SLC14A2: variants seen among roughly 807,000 people sequenced by gnomAD.
SLC14A2 encodes urea transporter 2.
SLC14A2 carries 91 observed loss-of-function variants against 104.6 expected under a neutral mutation model. The observed-to-expected ratio is 0.87, with a 90% CI of 0.73 to 1.04. The LOEUF (loss-of-function observed/expected upper bound fraction) is 1.04. Among genes scored for constraint, SLC14A2 ranks in the 50% least tolerant of loss-of-function variants. The pLI, the probability that SLC14A2 is intolerant of heterozygous loss-of-function variation, is 0.00. For synonymous variants in SLC14A2, 476 were observed against 466.4 expected (o/e 1.02, Z -0.27); for missense variants, 1,189 against 1,156.0 (o/e 1.03, Z -0.41).
intron 5 of SLC14A2, chr18:45,634,784 G>A (rs762004953): frequency 2.2e-6 from 1 of 456,828 alleles, no homozygotes. Flanking sequence ...GATGTGATGG[G>A]ATATGGTTTA....
the SLC14A2 span, chr18:45,179,890 A>AT: frequency 6.6e-6 from 1 of 152,182 alleles, no homozygotes; most frequent in Admixed American, 6.5e-5. Context: ...TCATACCTGT[A>AT]ATTCCTGCAC....
In SLC14A2 at chr18:45,417,102, GT is replaced by G. The variant is rs530886286; in HGVS notation, c.-124-66130del. 5.3e-4 allele frequency among the ~76,000 whole-genome samples: 80 copies of G among 152,306 alleles called. 1 individual carries two copies. The highest frequency in any genetic ancestry group is 8.8e-4 in the Non-Finnish European group (60 of 68,020). On this transcript the variant is annotated intron_variant, in intron 1 of 20. Coordinates refer to the SLC14A2 transcript ENST00000586448. ...GCAATTATGTTAGAGCTAGGGGTTG[GT>G]GGGTTTAAAAAATATCAGGATTTTG...
intron 1 of SLC14A2, among the ~76,000 whole-genome samples, chr18:45,265,227 G>C (rs2084579852): frequency 6.6e-6 from 1 of 152,196 alleles, no homozygotes; most frequent in Non-Finnish European, 1.5e-5. Flanking sequence ...TCAAGCTTAT[G>C]AAGAGCTCTT....
chr18:45,645,632 A>ATATAT (rs1568312070), intron 10 of SLC14A2, among the ~76,000 whole-genome samples: 2 of 7,088 alleles, frequency 2.8e-4, no homozygotes, highest in Non-Finnish European at 4.9e-4. Context: ...TACATATACA[A>ATATAT]AGATATATAT....
At chr18:45,495,964 A>C (rs1283066570) in intron 2 of SLC14A2, among the ~76,000 whole-genome samples, 1 of 152,224 alleles carries the variant, frequency 6.6e-6, no homozygotes, top group African/African-American at 2.4e-5. Flanking sequence ...CACTTTAGCA[A>C]TTCATGTGAG....
At chr18:45,378,088 G>T (rs956387498) in intron 1 of SLC14A2, among the ~76,000 whole-genome samples, 6 of 152,202 alleles carry the variant, frequency 3.9e-5, no homozygotes, top group African/African-American at 1.4e-4. Flanking sequence ...CTATCTCCTT[G>T]TTTCTCCCCT....
At chr18:45,629,044 A>T (rs2045304666) in intron 4 of SLC14A2, among the ~76,000 whole-genome samples, 1 of 152,236 alleles carries the variant, frequency 6.6e-6, no homozygotes, top group Admixed American at 6.5e-5. Context: ...GCTTGGAGGC[A>T]TGACCTGCAT....
chr18:45,205,199 A>G, the SLC14A2 span, among the ~76,000 whole-genome samples: 1 of 152,190 alleles, frequency 6.6e-6, no homozygotes, highest in Non-Finnish European at 1.5e-5. Flanking sequence ...GCTTTCAGGC[A>G]GCATACAGGG....
At chr18:45,594,476 T>C (rs945482171) in intron 2 of SLC14A2, among the ~76,000 whole-genome samples, 22 of 152,172 alleles carry the variant, frequency 1.4e-4, no homozygotes, top group African/African-American at 5.1e-4. Context: ...TCTTTGATCT[T>C]CATTTGACTG....
In SLC14A2 at chr18:45,318,566, T is replaced by C. The variant is rs756759872; in HGVS notation, c.-125+105375T>C. On this transcript the variant is annotated intron_variant, in intron 1 of 20. Transcript: ENST00000586448. The stretch of plus-strand genomic sequence containing the variant: ...ACTCTGGGAGGCTGAGGTGGGCGGA[T>C]CACCTGAGGTCAGGAGTTCGAGACC... Among the ~76,000 whole-genome samples, 32 of 152,200 alleles carry C rather than the reference T, an allele frequency of 2.1e-4. 1 individual carries two copies. Among genetic ancestry groups the C allele is most frequent in the South Asian group, 6.2e-4 (3 of 4,808 alleles).
At chr18:45,541,448 T>G (rs1027697141) in intron 2 of SLC14A2, among the ~76,000 whole-genome samples, 3 of 152,250 alleles carry the variant, frequency 2.0e-5, no homozygotes, top group African/African-American at 7.2e-5. Context: ...AAGAACAGGC[T>G]TACAGACGTC....
intron 1 of SLC14A2, among the ~76,000 whole-genome samples, chr18:45,377,267 C>A (rs547034927): frequency 1.3e-5 from 2 of 150,892 alleles, no homozygotes; most frequent in African/African-American, 4.9e-5. Flanking sequence ...TTTTTTACTA[C>A]CTTCTTCTTT....
chr18:45,335,796 G>GCAT, intron 1 of SLC14A2, among the ~76,000 whole-genome samples: 1 of 152,136 alleles, frequency 6.6e-6, no homozygotes, highest in African/African-American at 2.4e-5. Flanking sequence ...TACTTGTAGG[G>GCAT]TTTCCTCTTC....
intron 5 of SLC14A2, among the ~76,000 whole-genome samples, chr18:45,633,508 C>T (rs1484875): frequency 0.49 from 73,777 of 152,020 alleles, 18,228 homozygotes; most frequent in African/African-American, 0.57. Context: ...GGGCCATTCA[C>T]ACAATGATTC....
chr18:45,672,825 C>A, intron 16 of SLC14A2, 75 bp from the exon 17 acceptor site: 1 of 1,422,842 alleles, frequency 7.0e-7, no homozygotes, highest in Non-Finnish European at 9.6e-7. Context: ...GGGTTCAGTG[C>A]CAAGTCTCTT....
chr18:45,395,962 T>C (rs1360852962), intron 1 of SLC14A2, among the ~76,000 whole-genome samples: 2 of 152,180 alleles, frequency 1.3e-5, no homozygotes, highest in East Asian at 1.9e-4. Flanking sequence ...ATCAATGCAA[T>C]GGTCTTCATC....
At chr18:45,277,830 A>T (rs1164011933) in intron 1 of SLC14A2, among the ~76,000 whole-genome samples, 2 of 152,348 alleles carry the variant, frequency 1.3e-5, no homozygotes, top group East Asian at 3.8e-4. Context: ...GAGAACAAAA[A>T]GTTTCTGTAC....
chr18:45,232,519 A>C (rs1366992028), intron 1 of SLC14A2, among the ~76,000 whole-genome samples: 1 of 152,208 alleles, frequency 6.6e-6, no homozygotes, highest in African/African-American at 2.4e-5. Context: ...GTCTATACCC[A>C]TTGTTCTAAT....
intron 2 of SLC14A2, among the ~76,000 whole-genome samples, chr18:45,593,401 C>T (rs985990489): frequency 1.3e-5 from 2 of 150,756 alleles, no homozygotes; most frequent in African/African-American, 4.9e-5. Flanking sequence ...TCATCTCCTA[C>T]AAACCCCCAA....
Sources: allele counts gnomAD v4.1 joint callset (sites outside exome capture counted in the v4.1 genomes callset), GRCh38; gene constraint gnomAD v4.1.1; transcripts MANE v1.5; gene names NCBI Gene and HGNC (gene_info 2026-07-23, HGNC 2026-07-21).